Variants in DLG2 observed in about 807,000 individuals in gnomAD.
DLG2 encodes disks large homolog 2.
A neutral mutation model predicts 132.5 loss-of-function variants in DLG2; 45 were observed. The observed-to-expected ratio is 0.34, with a 90% CI of 0.27 to 0.44. DLG2 has a LOEUF of 0.44. DLG2 is among the 20% of genes least tolerant of loss of function. The pLI is 1.00. For synonymous variants in DLG2, 424 were observed against 419.6 expected (o/e 1.01, Z -0.13); for missense variants, 1,045 against 1,196.9 (o/e 0.87, Z 1.87).
At chr11:85,303,140 A>G (rs539551) in intron 3 of DLG2, among the ~76,000 whole-genome samples, 133,577 of 152,158 alleles carry the variant, frequency 0.88, 59,014 homozygotes, top group Non-Finnish European at 0.93. Context: ...TTAGATCTCT[A>G]CCTTTTGTAT....
chr11:84,416,685 T>C (rs574680973), intron 7 of DLG2, among the ~76,000 whole-genome samples: 9 of 152,338 alleles, frequency 5.9e-5, no homozygotes, highest in African/African-American at 2.2e-4. Context: ...TGAGTTTCCA[T>C]ATACATAAAA....
chr11:85,564,992 T>A (rs1342792589), intron 3 of DLG2, among the ~76,000 whole-genome samples: 2 of 152,074 alleles, frequency 1.3e-5, no homozygotes, highest in East Asian at 1.9e-4. Context: ...CATATTTTGA[T>A]GTGTGGTAAA....
intron 6 of DLG2, among the ~76,000 whole-genome samples, chr11:84,917,888 T>A (rs796190220): frequency 1.3e-5 from 2 of 152,234 alleles, no homozygotes; most frequent in African/African-American, 4.8e-5. Flanking sequence ...GTTATAGGTA[T>A]CCTAAAAGAG....
At chr11:83,914,935 C>T (rs2154115249) in intron 15 of DLG2, among the ~76,000 whole-genome samples, 1 of 152,090 alleles carries the variant, frequency 6.6e-6, no homozygotes, top group Admixed American at 6.6e-5. Flanking sequence ...GTGTTCCACT[C>T]AGGTGGGTGT....
chr11:83,463,269 C>A (rs1442977041), intron 26 of DLG2, among the ~76,000 whole-genome samples: 2 of 145,670 alleles, frequency 1.4e-5, no homozygotes, highest in Non-Finnish European at 3.0e-5. Context: ...AAAAAAAAAA[C>A]AATATATTGA....
chr11:84,470,300 AG>A (rs1174850476), intron 7 of DLG2, among the ~76,000 whole-genome samples: 1 of 151,748 alleles, frequency 6.6e-6, no homozygotes, highest in Non-Finnish European at 1.5e-5. Context: ...AGAAGAGGTG[AG>A]GATAGAATGG....
chr11:85,550,480 G>A (rs145484093), intron 3 of DLG2, among the ~76,000 whole-genome samples: 1 of 152,224 alleles, frequency 6.6e-6, no homozygotes, highest in African/African-American at 2.4e-5. Context: ...AATGCAGCAG[G>A]TCCAAGTGAG....
chr11:83,651,887 C>T (rs1377013090), intron 18 of DLG2: 1 of 471,106 alleles, frequency 2.1e-6, no homozygotes, highest in African/African-American at 2.0e-5. Flanking sequence ...GACATGTCTT[C>T]TGGCTAGAAG....
chr11:84,456,629 A>G (rs185297060), intron 7 of DLG2, among the ~76,000 whole-genome samples: 26 of 151,500 alleles, frequency 1.7e-4, no homozygotes, highest in Admixed American at 1.2e-3. Context: ...AAATATTCAT[A>G]TGGTCACTCC....
chr11:84,334,837 G>A (rs978005039), intron 7 of DLG2, among the ~76,000 whole-genome samples: 1 of 152,072 alleles, frequency 6.6e-6, no homozygotes, highest in Non-Finnish European at 1.5e-5. Flanking sequence ...ATATAAGAGA[G>A]GTTTTAGGGA....
At chr11:84,136,380 T>C (rs2094601507) in intron 9 of DLG2, among the ~76,000 whole-genome samples, 1 of 152,152 alleles carries the variant, frequency 6.6e-6, no homozygotes. Flanking sequence ...AAAATGAAGA[T>C]AACAAAAGGT....
intron 6 of DLG2, among the ~76,000 whole-genome samples, chr11:84,930,141 G>A (rs553385350): frequency 1.3e-5 from 2 of 152,196 alleles, no homozygotes; most frequent in African/African-American, 4.8e-5. Context: ...ACTCCTTAAT[G>A]GTTGGATCAG....
At chr11:84,780,147 C>CA (rs2071454354) in intron 6 of DLG2, among the ~76,000 whole-genome samples, 1 of 151,976 alleles carries the variant, frequency 6.6e-6, no homozygotes, top group Non-Finnish European at 1.5e-5. Context: ...TCATTACTAG[C>CA]AAACCCAATC....
intron 11 of DLG2, among the ~76,000 whole-genome samples, chr11:84,041,607 T>C (rs1202699117): frequency 5.3e-5 from 8 of 152,030 alleles, no homozygotes; most frequent in African/African-American, 1.9e-4. Flanking sequence ...ACTCTATGTC[T>C]TCCTGTTTTA....
At chr11:85,467,288 G>A (rs1314092249) in intron 3 of DLG2, among the ~76,000 whole-genome samples, 1 of 152,058 alleles carries the variant, frequency 6.6e-6, no homozygotes, top group Non-Finnish European at 1.5e-5. Flanking sequence ...TTTCCTAATT[G>A]AATACCCGTT....
At chr11:85,466,396 C>T (rs1401923945) in intron 3 of DLG2, among the ~76,000 whole-genome samples, 1 of 152,088 alleles carries the variant, frequency 6.6e-6, no homozygotes, top group Non-Finnish European at 1.5e-5. Context: ...ATGCCTATGT[C>T]CTGAATGGTA....
rs542600028 is a variant in DLG2, at chr11:84,489,049, A to G, written c.519+45521T>C. Among the ~76,000 whole-genome samples, 7 of 152,290 alleles carry G rather than the reference A, an allele frequency of 4.6e-5. 1 individual carries two copies. In the East Asian group the frequency reaches 1.4e-3, roughly 29 times the overall value. ...GAAATACTGAATAATTTCACATAAT[A>G]TTGTAAACCTAATAGATAATAGAGA... On this transcript the variant is annotated intron_variant, in intron 7 of 27. Coordinates refer to ENST00000376104, the MANE Select transcript of DLG2 (RefSeq NM_001142699.3).
chr11:84,365,004 T>C (rs1214736691), intron 7 of DLG2, among the ~76,000 whole-genome samples: 2 of 152,130 alleles, frequency 1.3e-5, no homozygotes, highest in Non-Finnish European at 2.9e-5. Flanking sequence ...CTGGCTTTGG[T>C]ATCAGGATGA....
At chr11:85,423,109 C>G (rs768761044) in intron 3 of DLG2, among the ~76,000 whole-genome samples, 1 of 152,074 alleles carries the variant, frequency 6.6e-6, no homozygotes, top group Non-Finnish European at 1.5e-5. Context: ...GGCTGTTGTT[C>G]AGATTCTTTT....
Sources: allele counts gnomAD v4.1 joint callset (sites outside exome capture counted in the v4.1 genomes callset), GRCh38; gene constraint gnomAD v4.1.1; transcripts MANE v1.5; gene names NCBI Gene and HGNC (gene_info 2026-07-23, HGNC 2026-07-21).